CAMTA1: variants seen among roughly 807,000 people sequenced by gnomAD.
CAMTA1 encodes calmodulin binding transcription activator 1.
CAMTA1 carries 27 observed loss-of-function variants against 170.9 expected under a neutral mutation model. The ratio of observed to expected loss-of-function variants is 0.16; its 90% CI spans 0.12 to 0.22. The LOEUF (loss-of-function observed/expected upper bound fraction) is 0.22, where lower values mean the gene tolerates loss of function less well. CAMTA1 is among the 10% of genes least tolerant of loss of function. CAMTA1 has a pLI of 1.00. For synonymous variants in CAMTA1, 833 were observed against 891.5 expected, an observed-to-expected ratio of 0.93 and a Z score of 1.17; for missense variants, 1,619 against 2,217.2, an observed-to-expected ratio of 0.73 and a Z score of 5.42.
intron 3 of CAMTA1, among the ~76,000 whole-genome samples, chr1:6,845,872 T>C (rs1657889085): frequency 6.6e-6 from 1 of 152,188 alleles, no homozygotes; most frequent in African/African-American, 2.4e-5. Flanking sequence ...TACCTGAGAC[T>C]GGATAATTTA....
intron 3 of CAMTA1, among the ~76,000 whole-genome samples, chr1:6,933,608 C>G (rs1276959262): frequency 6.6e-6 from 1 of 151,584 alleles, no homozygotes; most frequent in Non-Finnish European, 1.5e-5. Flanking sequence ...AAATTTAGGC[C>G]TATAGTCTAT....
chr1:7,254,749 T>C (rs1230456119), intron 5 of CAMTA1, among the ~76,000 whole-genome samples: 5 of 152,262 alleles, frequency 3.3e-5, no homozygotes, highest in Admixed American at 3.3e-4. Context: ...AATAACTGTC[T>C]GCCCTGTGGC....
At chr1:7,317,839 A>T (rs922522182) in intron 5 of CAMTA1, among the ~76,000 whole-genome samples, 1 of 152,250 alleles carries the variant, frequency 6.6e-6, no homozygotes, top group Non-Finnish European at 1.5e-5. Flanking sequence ...TGGTTAAAAA[A>T]AATAATAATT....
rs1445408210 is a variant in CAMTA1 at position 7,561,061 on chromosome 1, G to A, written c.511-79339G>A. Among the ~76,000 whole-genome samples the A allele has an allele frequency of 6.6e-6, 1 of 152,178 alleles. No homozygotes were observed. The highest frequency in any genetic ancestry group is 1.5e-5 in the Non-Finnish European group (1 of 68,024). ...GCGCTCAGGCTCAGGGGGTGACGCT[G>A]GGCTGGGCGCTTCCCATGAGGCAGG... On this transcript the variant is annotated intron_variant, in intron 6 of 22. Coordinates refer to ENST00000303635, the MANE Select transcript of CAMTA1 (RefSeq NM_015215.4). This position sits in a 1 kb window ranked among gnomAD's most constrained non-coding sequence, Gnocchi z 5.3.
At chr1:6,902,076 A>AG (rs1294929314) in intron 3 of CAMTA1, among the ~76,000 whole-genome samples, 1 of 78,198 alleles carries the variant, frequency 1.3e-5, no homozygotes, top group Non-Finnish European at 3.1e-5. Flanking sequence ...CACACACAAA[A>AG]AAAAAAATAA....
chr1:7,242,294 G>A (rs549285964), intron 4 of CAMTA1, among the ~76,000 whole-genome samples: 39 of 152,310 alleles, frequency 2.6e-4, no homozygotes, highest in African/African-American at 7.9e-4. Flanking sequence ...ACGCTGGGGA[G>A]GATGTGGAGA....
intron 3 of CAMTA1, chr1:7,008,493 C>G (rs948356456): frequency 2.6e-5 from 4 of 152,158 alleles, no homozygotes; most frequent in African/African-American, 7.2e-5. Flanking sequence ...CTGGTCTTAG[C>G]GGAAGGTCCC....
intron 11 of CAMTA1, among the ~76,000 whole-genome samples, chr1:7,723,980 C>T (rs563549043): frequency 3.3e-5 from 5 of 152,232 alleles, no homozygotes; most frequent in East Asian, 3.9e-4. Flanking sequence ...CCACCACACC[C>T]GGCTAATTTT....
At chr1:7,359,080 C>T (rs983105211) in intron 5 of CAMTA1, among the ~76,000 whole-genome samples, 1 of 152,218 alleles carries the variant, frequency 6.6e-6, no homozygotes, top group Admixed American at 6.5e-5. Context: ...ATGGAGCAGG[C>T]TCACGTGCAT....
At chr1:7,212,326 C>T (rs1376323011) in intron 4 of CAMTA1, among the ~76,000 whole-genome samples, 6 of 152,084 alleles carry the variant, frequency 3.9e-5, no homozygotes, top group Non-Finnish European at 1.5e-5. Flanking sequence ...AAAATCAAAA[C>T]TATGCAAAAA....
chr1:7,503,393 A>G (rs555562977), intron 6 of CAMTA1, among the ~76,000 whole-genome samples: 138 of 152,342 alleles, frequency 9.1e-4, no homozygotes, highest in African/African-American at 3.2e-3. Flanking sequence ...ACTTCCTCGC[A>G]GTGAGCAGCC....
intron 6 of CAMTA1, among the ~76,000 whole-genome samples, chr1:7,605,453 G>A (rs142223528): frequency 0.011 from 1,718 of 152,322 alleles, 23 homozygotes; most frequent in African/African-American, 0.038. Context: ...AGCAATGAGC[G>A]AGGCTCTGTG....
intron 5 of CAMTA1, among the ~76,000 whole-genome samples, chr1:7,328,815 T>C (rs188687144): frequency 1.3e-5 from 2 of 152,278 alleles, no homozygotes; most frequent in East Asian, 3.9e-4. Flanking sequence ...CTTGTTGGTT[T>C]GGAGATTCTC....
At position 7,113,392 on chromosome 1, in the gene CAMTA1, G is replaced by A. The variant is rs1199221222; in HGVS notation, c.302+22021G>A. 6.6e-6 allele frequency among the ~76,000 whole-genome samples: 1 copy of A among 152,220 alleles called. No homozygotes were observed. Among genetic ancestry groups the A allele is most frequent in the Non-Finnish European group, 1.5e-5 (1 of 68,050 alleles). Reference sequence around the variant, plus strand: ...ACGGCAGAGACACTCAGGTGGAGAAGCCAGATGCGGCCCCCTTGGAGAGGG... The same window carrying A: ...ACGGCAGAGACACTCAGGTGGAGAAACCAGATGCGGCCCCCTTGGAGAGGG... On this transcript the variant is annotated intron_variant, in intron 4 of 22. Coordinates refer to ENST00000303635, the MANE Select transcript of CAMTA1 (RefSeq NM_015215.4). This position sits in a 1 kb window ranked among gnomAD's most constrained non-coding sequence, Gnocchi z 4.5.
intron 6 of CAMTA1, among the ~76,000 whole-genome samples, chr1:7,530,198 C>T (rs899599782): frequency 4.6e-5 from 7 of 152,336 alleles, no homozygotes; most frequent in Admixed American, 3.9e-4. Flanking sequence ...ACAGCCCGTG[C>T]ACAGCCACCT....
At chr1:7,497,972 G>A (rs1027443247) in intron 6 of CAMTA1, among the ~76,000 whole-genome samples, 9 of 152,272 alleles carry the variant, frequency 5.9e-5, no homozygotes, top group Non-Finnish European at 1.2e-4. Flanking sequence ...GGCCTCACTC[G>A]AGGCCCTCAG....
intron 3 of CAMTA1, among the ~76,000 whole-genome samples, chr1:6,832,187 A>G (rs1467511075): frequency 6.6e-6 from 1 of 151,726 alleles, no homozygotes; most frequent in African/African-American, 2.4e-5. Flanking sequence ...GGGCTGAAGC[A>G]ATCCTCCCAT....
intron 11 of CAMTA1, among the ~76,000 whole-genome samples, chr1:7,709,444 C>G (rs1424741627): frequency 2.0e-5 from 3 of 152,208 alleles, no homozygotes; most frequent in African/African-American, 7.2e-5. Flanking sequence ...GCACAAACTC[C>G]AAATGATTTC....
In CAMTA1 at chr1:7,661,997, G is replaced by GGC; in HGVS notation, c.805+133_805+134dup. On this transcript the variant is annotated intron_variant, in intron 8 of 22. Transcript: ENST00000303635. ...GGAGGAGGGGGACAGTCAGGGACTG[G>GGC]GCGACACCACCGCACCCAGCACAGA... 3 of 1,123,980 alleles carry GGC rather than the reference G, an allele frequency of 2.7e-6. No homozygotes were observed. The South Asian group carries it at 4.5e-5, about 17-fold the overall frequency. The allele number at this position is 1,123,980 out of a possible 1,614,324, so 69.6% of individuals were successfully genotyped here. A position where few individuals can be genotyped will look rare whatever the true frequency, so the allele number is the denominator to read the frequency against.
Sources: gnomAD v4.1 joint callset for allele counts (sites outside exome capture counted in the v4.1 genomes callset) on GRCh38, gnomAD v4.1.1 for gene constraint, Gnocchi (gnomAD v3.1) non-coding constraint, MANE v1.5 for transcripts, NCBI Gene and HGNC (gene_info 2026-07-23, HGNC 2026-07-21) for gene names.